The following CDH13 variants were observed in gnomAD, a reference collection of about 807,000 sequenced individuals.
The protein encoded by CDH13 is cadherin-13.
CDH13 carries 24 observed loss-of-function variants against 63.8 expected under a neutral mutation model. The observed-to-expected ratio is 0.38, with a 90% CI of 0.27 to 0.53. CDH13 has a LOEUF of 0.53. Ranked by LOEUF, CDH13 falls within the 20% of genes least tolerant of loss-of-function variation. The probability of loss-of-function intolerance (pLI) is 0.85; values close to 1 mark genes in which losing one functional copy is unlikely to be tolerated. For missense variants in CDH13, 1,049 were observed against 903.1 expected (o/e 1.16, Z -2.07); for synonymous variants, 503 against 355.3 (o/e 1.42, Z -4.67).
intron 7 of CDH13, among the ~76,000 whole-genome samples, chr16:83,593,790 A>C (rs1381702841): frequency 6.6e-6 from 1 of 152,162 alleles, no homozygotes; most frequent in Non-Finnish European, 1.5e-5. Context: ...TAAACAAGAA[A>C]AGGCCCCTGA....
intron 1 of CDH13, among the ~76,000 whole-genome samples, chr16:82,796,231 T>C (rs537088145): frequency 1.1e-4 from 17 of 152,212 alleles, no homozygotes; most frequent in African/African-American, 4.1e-4. Flanking sequence ...CAGAAACTGG[T>C]TCTTTGCCAT....
chr16:82,782,504 A>G (rs1266809719), intron 1 of CDH13, among the ~76,000 whole-genome samples: 7 of 151,546 alleles, frequency 4.6e-5, no homozygotes, highest in African/African-American at 1.7e-4. Flanking sequence ...GTGAGCCAAG[A>G]TCGTACCACT....
Position 83,586,078 on chromosome 16 carries a change from A to G in CDH13, c.961-16376A>G, listed in dbSNP as rs569841000. Among the ~76,000 whole-genome samples, 8 of 152,368 alleles carry G rather than the reference A, an allele frequency of 5.3e-5. No homozygotes were observed. The South Asian group carries it at 1.7e-3, about 32-fold the overall frequency. Reference sequence around the variant, plus strand: ...ACCTAAAGGGTTGAATACTATTTCCAACATGTAGTAAGTGCTCTGTGCACG... The same window carrying G: ...ACCTAAAGGGTTGAATACTATTTCCGACATGTAGTAAGTGCTCTGTGCACG... On this transcript the variant is annotated intron_variant, in intron 7 of 13. Coordinates refer to ENST00000567109, the MANE Select transcript of CDH13 (RefSeq NM_001257.5).
At chr16:83,316,215 G>A (rs910739444) in intron 5 of CDH13, among the ~76,000 whole-genome samples, 3 of 152,134 alleles carry the variant, frequency 2.0e-5, no homozygotes, top group Non-Finnish European at 4.4e-5. Context: ...CTCCCACGAG[G>A]TCCCTCCCCA....
intron 2 of CDH13, among the ~76,000 whole-genome samples, chr16:82,963,405 A>G (rs2151348016): frequency 6.6e-6 from 1 of 152,154 alleles, no homozygotes; most frequent in East Asian, 1.9e-4. Flanking sequence ...AATAACTGGA[A>G]AGAAAGTACC....
At chr16:83,712,569 GTCT>G (rs1233584880) in intron 10 of CDH13, among the ~76,000 whole-genome samples, 7 of 152,192 alleles carry the variant, frequency 4.6e-5, no homozygotes, top group Non-Finnish European at 2.9e-5. Flanking sequence ...ACCCCTCAAG[GTCT>G]GGAGAAGCAC....
At chr16:82,914,487 G>C (rs1422895972) in intron 2 of CDH13, among the ~76,000 whole-genome samples, 1 of 152,184 alleles carries the variant, frequency 6.6e-6, no homozygotes, top group African/African-American at 2.4e-5. Context: ...GACTGCAAAT[G>C]TCTCAGTCAT....
rs201808972 is a variant in CDH13, at chr16:83,264,552, A to G, written c.636+47055A>G. Among the ~76,000 whole-genome samples the G allele has an allele frequency of 6.1e-3, 907 of 149,834 alleles. 12 individuals are homozygous for G. The highest frequency in any genetic ancestry group is 0.02 in the African/African-American group (808 of 40,868). ...TGTATATGTGTGTGTATATATATGT[A>G]TGTGTGTGTGTGTGTATACATATGT... On this transcript the variant is annotated intron_variant, in intron 5 of 13. Coordinates refer to ENST00000567109, the MANE Select transcript of CDH13 (RefSeq NM_001257.5).
chr16:83,707,836 C>CAAAAAAAAAAAAGAAAAAAAAAAAAA (rs1907342496), intron 10 of CDH13, among the ~76,000 whole-genome samples: 1 of 78,902 alleles, frequency 1.3e-5, no homozygotes, highest in African/African-American at 5.0e-5. Flanking sequence ...ACCCTAAAGG[C>CAAAAAAAAAAAAGAAAAAAAAAAAAA]AAAAAAAAAA....
chr16:83,367,096 A>C, intron 6 of CDH13, among the ~76,000 whole-genome samples: 1 of 152,184 alleles, frequency 6.6e-6, no homozygotes, highest in East Asian at 1.9e-4. Context: ...CCCAAAATGA[A>C]ATTCTGGGCT....
chr16:83,143,028 C>T (rs1488812292), intron 4 of CDH13, among the ~76,000 whole-genome samples: 2 of 152,124 alleles, frequency 1.3e-5, no homozygotes, highest in Non-Finnish European at 2.9e-5. Flanking sequence ...CGCTTGAACC[C>T]GGGAGGCGGA....
intron 2 of CDH13, among the ~76,000 whole-genome samples, chr16:82,936,457 C>T (rs1014169939): frequency 1.3e-5 from 2 of 152,048 alleles, no homozygotes; most frequent in African/African-American, 4.8e-5. Flanking sequence ...AACCCGAATC[C>T]ACCCCACCCA....
At chr16:82,643,549 T>C (rs1031280539) in intron 1 of CDH13, among the ~76,000 whole-genome samples, 2 of 152,212 alleles carry the variant, frequency 1.3e-5, no homozygotes, top group African/African-American at 4.8e-5. Flanking sequence ...AAAAGCAACC[T>C]GTGTTATTTG....
chr16:83,685,258 C>G (rs1904294395), intron 10 of CDH13, among the ~76,000 whole-genome samples: 1 of 152,096 alleles, frequency 6.6e-6, no homozygotes, highest in South Asian at 2.1e-4. Flanking sequence ...AACCAAGGTT[C>G]TTCACTAAGG....
intron 7 of CDH13, among the ~76,000 whole-genome samples, chr16:83,537,062 C>G (rs1030706447): frequency 6.6e-6 from 1 of 152,192 alleles, no homozygotes; most frequent in Admixed American, 6.5e-5. Flanking sequence ...TGAATGGCAG[C>G]TGTGGGGATT....
chr16:83,526,886 C>T (rs911338039), intron 7 of CDH13, among the ~76,000 whole-genome samples: 1 of 152,162 alleles, frequency 6.6e-6, no homozygotes, highest in African/African-American at 2.4e-5. Context: ...AATCCCAGCA[C>T]TTTGGGAGGC....
At chr16:83,368,816 A>G (rs905791057) in intron 6 of CDH13, among the ~76,000 whole-genome samples, 1 of 145,778 alleles carries the variant, frequency 6.9e-6, no homozygotes, top group African/African-American at 2.5e-5. Context: ...ACAGTCTGCA[A>G]TTCCATCCAA....
intron 13 of CDH13, among the ~76,000 whole-genome samples, chr16:83,794,742 T>C (rs939998871): frequency 6.6e-6 from 1 of 152,062 alleles, no homozygotes; most frequent in Non-Finnish European, 1.5e-5. Context: ...GACAAAGACA[T>C]AAGGCTCATT....
intron 5 of CDH13, among the ~76,000 whole-genome samples, chr16:83,248,363 C>A (rs979578871): frequency 6.6e-6 from 1 of 152,180 alleles, no homozygotes; most frequent in African/African-American, 2.4e-5. Flanking sequence ...TTGTTTGCTA[C>A]TTTTCCTATG....
Sources: gnomAD v4.1 joint callset for allele counts (sites outside exome capture counted in the v4.1 genomes callset) on GRCh38, gnomAD v4.1.1 for gene constraint, MANE v1.5 for transcripts, NCBI Gene and HGNC (gene_info 2026-07-23, HGNC 2026-07-21) for gene names.